Variants in HAPLN2 observed in about 807,000 individuals in gnomAD.
HAPLN2 encodes hyaluronan and proteoglycan link protein 2.
In HAPLN2, 27 loss-of-function variants were observed where a neutral mutation model predicts 29.3. The observed-to-expected ratio is 0.92, with a 90% confidence interval of 0.68 to 1.27. The LOEUF (loss-of-function observed/expected upper bound fraction) is 1.27, where lower values mean the gene tolerates loss of function less well. Ranked by LOEUF, HAPLN2 falls within the 50% of genes most tolerant of loss-of-function variation. HAPLN2 has a pLI of 0.00. For missense variants in HAPLN2, 454 were observed against 484.3 expected, an observed-to-expected ratio of 0.94 and a Z score of 0.59; for synonymous variants, 208 against 211.7, an observed-to-expected ratio of 0.98 and a Z score of 0.15.
chr1:156,608,302 C>T, the HAPLN2 span, among the ~76,000 whole-genome samples: 2 of 152,124 alleles, frequency 1.3e-5, no homozygotes, highest in South Asian at 2.1e-4. Flanking sequence ...CTATTTAAAG[C>T]CCTATTGCCA....
upstream of HAPLN2, among the ~76,000 whole-genome samples, chr1:156,618,039 G>A (rs958968812): frequency 5.3e-5 from 8 of 152,108 alleles, no homozygotes; most frequent in Non-Finnish European, 1.2e-4. Flanking sequence ...GCTCACGCCT[G>A]TAATCCCAGC....
upstream of HAPLN2, among the ~76,000 whole-genome samples, chr1:156,618,029 G>A (rs1678104075): frequency 6.6e-6 from 1 of 152,108 alleles, no homozygotes; most frequent in South Asian, 2.1e-4. Flanking sequence ...CAGCATGGTG[G>A]CTCACGCCTG....
the HAPLN2 span, among the ~76,000 whole-genome samples, chr1:156,604,581 C>G: frequency 2.0e-5 from 3 of 152,126 alleles, no homozygotes; most frequent in South Asian, 2.1e-4. Context: ...GCCACCGTGC[C>G]CGGCCAAAGA....
At chr1:156,608,554 T>C in the HAPLN2 span, among the ~76,000 whole-genome samples, 2 of 152,068 alleles carry the variant, frequency 1.3e-5, no homozygotes, top group Non-Finnish European at 2.9e-5. Context: ...CCTTACTTTT[T>C]TTTTTAAAGA....
chr1:156,623,421 C>A, intron 2 of HAPLN2, 46 bp from the exon 3 acceptor site: 1 of 1,523,578 alleles, frequency 6.6e-7, no homozygotes, highest in Middle Eastern at 1.8e-4. Context: ...TCTTCCCCAC[C>A]CTTTTGCCCC....
chr1:156,609,908 A>G, the HAPLN2 span, among the ~76,000 whole-genome samples: 2 of 152,214 alleles, frequency 1.3e-5, no homozygotes, highest in African/African-American at 4.8e-5. Context: ...CCCTGAACAT[A>G]AAATAAAAGT....
the HAPLN2 span, among the ~76,000 whole-genome samples, chr1:156,603,720 G>C: frequency 0.056 from 8,463 of 152,142 alleles, 345 homozygotes; most frequent in African/African-American, 0.11. Context: ...GCTCACTGTT[G>C]TGCCTGATTC....
At chr1:156,619,263 G>C (rs1035067725), upstream of HAPLN2, 4 of 146,678 alleles carry the variant, frequency 2.7e-5, no homozygotes, top group Admixed American at 2.1e-4. Flanking sequence ...AGCCGGTCCT[G>C]CATCCCACAT....
upstream of HAPLN2, among the ~76,000 whole-genome samples, chr1:156,618,778 CAAAAAAAAAAAAA>C (rs67222173): frequency 8.2e-4 from 34 of 41,656 alleles, no homozygotes; most frequent in Admixed American, 1.8e-3. Context: ...GACTCCGTCT[CAAAAAAAAAAAAA>C]AAAAAAAAAA....
At chr1:156,604,017 G>T in the HAPLN2 span, among the ~76,000 whole-genome samples, 3 of 152,270 alleles carry the variant, frequency 2.0e-5, no homozygotes, top group East Asian at 5.8e-4. Context: ...AGAGAAATGG[G>T]TCTCAAGGAG....
At chr1:156,613,384 T>A in the HAPLN2 span, among the ~76,000 whole-genome samples, 1 of 152,068 alleles carries the variant, frequency 6.6e-6, no homozygotes, top group South Asian at 2.1e-4. Flanking sequence ...ATTAGATTGA[T>A]AATTTAGATA....
At chr1:156,604,085 G>A in the HAPLN2 span, among the ~76,000 whole-genome samples, 58 of 152,228 alleles carry the variant, frequency 3.8e-4, no homozygotes, top group African/African-American at 1.3e-3. Flanking sequence ...AGGCCATTAT[G>A]AGAGAAAAAG....
chr1:156,605,209 T>C, the HAPLN2 span, among the ~76,000 whole-genome samples: 1 of 150,148 alleles, frequency 6.7e-6, no homozygotes, highest in African/African-American at 2.5e-5. Context: ...GAGGTTGCAG[T>C]GAGCCGAGAT....
At chr1:156,623,033 C>CAA (rs1207919606) in intron 2 of HAPLN2, among the ~76,000 whole-genome samples, 5 of 44,246 alleles carry the variant, frequency 1.1e-4, no homozygotes, top group South Asian at 9.2e-4. Context: ...CACTCTGTCT[C>CAA]AAAAAAATAA....
At chr1:156,615,376 T>A (rs934573133), upstream of HAPLN2, 1 of 152,182 alleles carries the variant, frequency 6.6e-6, no homozygotes, top group Non-Finnish European at 1.5e-5. Context: ...GAGTTCAATG[T>A]TGCTGCCTTT....
chr1:156,610,176 T>G, the HAPLN2 span, among the ~76,000 whole-genome samples: 5 of 152,178 alleles, frequency 3.3e-5, no homozygotes, highest in African/African-American at 1.2e-4. Context: ...GTCGCACCAC[T>G]GCACTTCAGC....
chr1:156,602,467 G>C, the HAPLN2 span, among the ~76,000 whole-genome samples: 2 of 150,532 alleles, frequency 1.3e-5, no homozygotes, highest in African/African-American at 4.9e-5. Context: ...CAGCACTTTG[G>C]GAGGCCAAGA....
the HAPLN2 span, among the ~76,000 whole-genome samples, chr1:156,613,443 T>G: frequency 6.6e-6 from 1 of 152,240 alleles, no homozygotes; most frequent in African/African-American, 2.4e-5. Context: ...CCCTTTGTGA[T>G]TAACTTCTCA....
upstream of HAPLN2, among the ~76,000 whole-genome samples, chr1:156,616,923 C>T (rs937936322): frequency 5.9e-5 from 9 of 151,842 alleles, no homozygotes; most frequent in African/African-American, 2.2e-4. Flanking sequence ...CCTGTCTTTA[C>T]AAATAATTTT....
Sources: gnomAD v4.1 joint callset for allele counts (sites outside exome capture counted in the v4.1 genomes callset) on GRCh38, gnomAD v4.1.1 for gene constraint, MANE v1.5 for transcripts, NCBI Gene and HGNC (gene_info 2026-07-23, HGNC 2026-07-21) for gene names.